HCAR1: variants seen among roughly 807,000 people sequenced by gnomAD.
HCAR1 encodes the protein G protein-coupled receptor 104.
For missense variants in HCAR1, 445 were observed against 448.7 expected (o/e 0.99, Z 0.07); for synonymous variants, 183 against 182.1 (o/e 1.01, Z -0.04).
At position 122,729,804 on chromosome 12, in the gene HCAR1, A is replaced by T; in HGVS notation, c.536T>A (p.Ile179Asn). ...CATAAAGAACTCCAGCTGGAACATGATGTCATGCCAGCCATTGGCCGACTC... is the reference window on the plus strand; with the variant it reads ...CATAAAGAACTCCAGCTGGAACATGTTGTCATGCCAGCCATTGGCCGACTC... ...IMESANGWHD[I>N]MFQLEFFMPL... The change falls in exon 1 of 1, where the codon ATC becomes AAC. Residue 179 changes from isoleucine (I) to asparagine (N), a missense_variant. Ile to Asn is a moderately radical substitution (Grantham distance 149, BLOSUM62 -3). Transcript: ENST00000432564. 1 of 1,609,768 alleles carries T rather than the reference A, an allele frequency of 6.2e-7. No individual in the cohort carries two copies. Among genetic ancestry groups the T allele is most frequent in the Non-Finnish European group, 8.5e-7 (1 of 1,178,804 alleles).
rs149599946 is a variant in HCAR1 at position 122,729,700 on chromosome 12, G to C, written c.640C>G (p.Arg214Gly). ...RRRQQLARQARMKKATRFIMV... is the reference protein window; with the variant it reads ...RRRQQLARQAGMKKATRFIMV... ...ATGAACCGGGTCGCCTTCTTCATCCGAGCCTGTCTGGCCAGCTGCTGCCTC... is the reference window on the plus strand; with the variant it reads ...ATGAACCGGGTCGCCTTCTTCATCCCAGCCTGTCTGGCCAGCTGCTGCCTC... The change falls in exon 1 of 1, where the codon CGG becomes GGG. Residue 214 changes from arginine (R) to glycine (G), a missense_variant. Transcript: ENST00000432564. 1.2e-6 allele frequency: 2 copies of C among 1,613,852 alleles called. No individual in the cohort carries two copies. Among genetic ancestry groups the C allele is most frequent in the Middle Eastern group, 1.7e-4 (1 of 6,060 alleles).
rs755545619 is a variant in HCAR1, at chr12:122,730,182, T to A, written c.158A>T (p.Tyr53Phe). ...HMKTWKPSTVYLFNLAVADFL... is the reference protein window; with the variant it reads ...HMKTWKPSTVFLFNLAVADFL... ...ATCAGCCACGGCCAAATTGAAAAGG[T>A]AAACAGTGCTGGGCTTCCAGGTCTT... The change falls in exon 1 of 1, where the codon TAC becomes TTC. Residue 53 changes from tyrosine (Y) to phenylalanine (F), a missense_variant. Tyr to Phe is a conservative substitution (Grantham distance 22, BLOSUM62 3). Coordinates refer to ENST00000432564, the MANE Select transcript of HCAR1 (RefSeq NM_032554.4). 8 of 1,613,894 alleles carry A rather than the reference T, an allele frequency of 5.0e-6. No individual in the cohort carries two copies. In the Admixed American group the frequency reaches 5.0e-5, roughly 10 times the overall value.
rs775889828 is a variant in HCAR1 at position 122,729,729 on chromosome 12, C to T, written c.611G>A (p.Arg204Lys). Reference sequence around the variant, plus strand: ...CTGTCTGGCCAGCTGCTGCCTCCGCCTCAGGCTCCAAACAATCTTGAAGGA... The same window carrying T: ...CTGTCTGGCCAGCTGCTGCCTCCGCTTCAGGCTCCAAACAATCTTGAAGGA... Reference protein sequence around the residue: ...FCSFKIVWSLRRRQQLARQAR... With the variant: ...FCSFKIVWSLKRRQQLARQAR... The change falls in exon 1 of 1, where the codon AGG becomes AAG. Residue 204 changes from arginine (R) to lysine (K), a missense_variant. By Grantham distance (26) the Arg-to-Lys change is conservative. Coordinates refer to ENST00000432564, the MANE Select transcript of HCAR1 (RefSeq NM_032554.4). The T allele has an allele frequency of 8.7e-6, 14 of 1,613,638 alleles. No individual in the cohort carries two copies. In the East Asian group the frequency reaches 2.5e-4, roughly 28 times the overall value.
chr12:122,727,025 T>C lies in HCAR1; in HGVS notation c.*2274A>G, dbSNP rs1227073629. The C allele has an allele frequency of 2.0e-5, 3 of 151,576 alleles. No individual in the cohort carries two copies. The highest frequency in any genetic ancestry group is 1.3e-4 in the Admixed American group (2 of 15,190). The allele number at this position is 151,576 out of a possible 1,614,324, so 9.4% of individuals were successfully genotyped here. A position where few individuals can be genotyped will look rare whatever the true frequency, so the allele number is the denominator to read the frequency against. Reference sequence around the variant, plus strand: ...CAGTGGCTCATGCTGGCAATCGCAATACTTTGGGAGGCCAAGGTGGGAGGA... The same window carrying C: ...CAGTGGCTCATGCTGGCAATCGCAACACTTTGGGAGGCCAAGGTGGGAGGA... On this transcript the variant is annotated 3_prime_UTR_variant, in exon 1 of 1. Coordinates refer to ENST00000432564, the MANE Select transcript of HCAR1 (RefSeq NM_032554.4).
At position 122,729,222 on chromosome 12, in the gene HCAR1, T is replaced by C; in HGVS notation, c.*77A>G. On this transcript the variant is annotated 3_prime_UTR_variant, in exon 1 of 1. Transcript: ENST00000432564. Reference sequence around the variant, plus strand: ...GCAATAAGAAAGGGGGGTGGCATTTTCAAAGCCCCCGACCCCTTAGCACGA... The same window carrying C: ...GCAATAAGAAAGGGGGGTGGCATTTCCAAAGCCCCCGACCCCTTAGCACGA... 1 of 1,393,830 alleles carries C rather than the reference T, an allele frequency of 7.2e-7. No homozygotes were observed. The highest frequency in any genetic ancestry group is 9.9e-7 in the Non-Finnish European group (1 of 1,014,110). The allele number at this position is 1,393,830 out of a possible 1,614,324, so 86.3% of individuals were successfully genotyped here.
Position 122,730,042 on chromosome 12 carries a change from C to T in HCAR1, c.298G>A (p.Ala100Thr), listed in dbSNP as rs750448217. ...VGLFTLAMNR[A>T]GSIVFLTVVA... ...ACCGTAAGGAACACGATGCTCCCGG[C>T]CCTGTTCATGGCCAACGTGAAGAGC... Residue 100 changes from alanine to threonine, a missense_variant, in exon 1 of 1, where the codon GCC becomes ACC. Ala to Thr is a moderately conservative substitution (Grantham distance 58). Transcript: ENST00000432564. 4.3e-6 allele frequency: 7 copies of T among 1,614,142 alleles called. No individual in the cohort carries two copies. Among genetic ancestry groups the T allele is most frequent in the South Asian group, 1.1e-5 (1 of 91,086 alleles).
rs1566052653 is a variant in HCAR1, at chr12:122,730,129, G to C, written c.211C>G (p.Arg71Gly). ...DFLLMICLPF[R>G]TDYYLRRRHW... ...CTACGTCTGAGGTAATAGTCTGTCC[G>C]AAAAGGCAGGCAGATCATAAGGAGG... The change falls in exon 1 of 1, where the codon CGG becomes GGG. Residue 71 changes from arginine (R) to glycine (G), a missense_variant. Arg to Gly is a moderately radical substitution (Grantham distance 125). Coordinates refer to ENST00000432564, the MANE Select transcript of HCAR1 (RefSeq NM_032554.4). 6.2e-7 allele frequency: 1 copy of C among 1,614,082 alleles called. No individual in the cohort carries two copies. Among genetic ancestry groups the C allele is most frequent in the Non-Finnish European group, 8.5e-7 (1 of 1,179,998 alleles).
Position 122,729,067 on chromosome 12 carries a change from C to T in HCAR1, c.*232G>A. Reference sequence around the variant, plus strand: ...ACTCCATGCACATTCTGTCCCCTGCCATTGTGATCAGATAAGAAAATGCAG... The same window carrying T: ...ACTCCATGCACATTCTGTCCCCTGCTATTGTGATCAGATAAGAAAATGCAG... On this transcript the variant is annotated 3_prime_UTR_variant, in exon 1 of 1. Transcript: ENST00000432564. 3.5e-6 allele frequency: 2 copies of T among 566,722 alleles called. No individual in the cohort carries two copies. The highest frequency in any genetic ancestry group is 6.3e-6 in the Non-Finnish European group (2 of 317,058). The allele number at this position is 566,722 out of a possible 1,614,324, so 35.1% of individuals were successfully genotyped here.
chr12:122,730,284 G>T lies in HCAR1; in HGVS notation c.56C>A (p.Pro19Gln). The change falls in exon 1 of 1, where the codon CCG becomes CAG. Residue 19 changes from proline to glutamine, a missense_variant. Pro to Gln is a moderately conservative substitution (Grantham distance 76). Coordinates refer to ENST00000432564, the MANE Select transcript of HCAR1 (RefSeq NM_032554.4). The stretch of plus-strand genomic sequence containing the variant: ...CACAAAGGCCACAATGAGCAGCGGC[G>T]GCATCACCTGGGAGATGGTGTCCCC... Reference protein sequence around the residue: ...IEGDTISQVMPPLLIVAFVLG... With the variant: ...IEGDTISQVMQPLLIVAFVLG... 1 of 1,604,682 alleles carries T rather than the reference G, an allele frequency of 6.2e-7. No individual in the cohort carries two copies. The highest frequency in any genetic ancestry group is 8.5e-7 in the Non-Finnish European group (1 of 1,173,946).
rs374992716 is a variant in HCAR1 at position 122,730,154 on chromosome 12, G to T, written c.186C>A (p.Phe62Leu). Reference sequence around the variant, plus strand: ...GAAAAGGCAGGCAGATCATAAGGAGGAAATCAGCCACGGCCAAATTGAAAA... The same window carrying T: ...GAAAAGGCAGGCAGATCATAAGGAGTAAATCAGCCACGGCCAAATTGAAAA... ...VYLFNLAVAD[F>L]LLMICLPFRT... Residue 62 changes from phenylalanine to leucine, a missense_variant, in exon 1 of 1, where the codon TTC (phenylalanine) becomes TTA (leucine). Coordinates refer to ENST00000432564, the MANE Select transcript of HCAR1 (RefSeq NM_032554.4). The T allele has an allele frequency of 4.3e-6, 7 of 1,614,034 alleles. No individual in the cohort carries two copies. In the African/African-American group the frequency reaches 9.3e-5, roughly 22 times the overall value.
In HCAR1 at chr12:122,729,109, A is replaced by C. The variant is rs1877863598; in HGVS notation, c.*190T>G. The C allele has an allele frequency of 3.3e-6, 2 of 612,752 alleles. No homozygotes were observed. Among genetic ancestry groups the C allele is most frequent in the Non-Finnish European group, 5.7e-6 (2 of 349,746 alleles). 38.0% of individuals were successfully genotyped at this position (612,752 alleles called of 1,614,324 possible). On this transcript the variant is annotated 3_prime_UTR_variant, in exon 1 of 1. Coordinates refer to ENST00000432564, the MANE Select transcript of HCAR1 (RefSeq NM_032554.4). Reference sequence around the variant, plus strand: ...AAAATGCAGCCAACTCACTTCAATCAACTGGAACCTCCCCAAAAGGTATAG... The same window carrying C: ...AAAATGCAGCCAACTCACTTCAATCCACTGGAACCTCCCCAAAAGGTATAG...
rs1566051708 is a variant in HCAR1 at position 122,727,756 on chromosome 12, C to A, written c.*1543G>T. 6.6e-6 allele frequency: 1 copy of A among 152,248 alleles called. No homozygotes were observed. 9.4% of individuals were successfully genotyped at this position (152,248 alleles called of 1,614,324 possible). A position where few individuals can be genotyped will look rare whatever the true frequency, so the allele number is the denominator to read the frequency against. On this transcript the variant is annotated 3_prime_UTR_variant, in exon 1 of 1. Coordinates refer to ENST00000432564, the MANE Select transcript of HCAR1 (RefSeq NM_032554.4). ...GGGATCACAAGCGTGAGCCACCATG[C>A]CCAACCCCCAGAAGTTGGCAAGGTT...
rs375870381 is a variant in HCAR1 at position 122,729,636 on chromosome 12, G to A, written c.704C>T (p.Pro235Leu). The change falls in exon 1 of 1, where the codon CCC becomes CTC. Residue 235 changes from proline to leucine, a missense_variant. By Grantham distance (98) the Pro-to-Leu change is moderately conservative. Coordinates refer to ENST00000432564, the MANE Select transcript of HCAR1 (RefSeq NM_032554.4). ...GAAATAGAGTCTAGCAGACACGCTG[G>A]GCAGGTAGCATGTGATGAACACAAT... ...VAIVFITCYL[P>L]SVSARLYFLW... 2 of 1,614,000 alleles carry A rather than the reference G, an allele frequency of 1.2e-6. No individual in the cohort carries two copies. Among genetic ancestry groups the A allele is most frequent in the African/African-American group, 2.7e-5 (2 of 74,912 alleles).
At position 122,730,626 on chromosome 12, in the gene HCAR1, G is replaced by C; in HGVS notation, c.-287C>G. 2.8e-6 allele frequency: 1 copy of C among 361,572 alleles called. No homozygotes were observed. Among genetic ancestry groups the C allele is most frequent in the Non-Finnish European group, 5.2e-6 (1 of 192,744 alleles). The allele number at this position is 361,572 out of a possible 1,614,324, so 22.4% of individuals were successfully genotyped here. A position where few individuals can be genotyped will look rare whatever the true frequency, so the allele number is the denominator to read the frequency against. On this transcript the variant is annotated 5_prime_UTR_variant, in exon 1 of 1. Coordinates refer to ENST00000432564, the MANE Select transcript of HCAR1 (RefSeq NM_032554.4). ...AGCCGGATGAAGCTTGGAAATGCAT[G>C]CAATTTTGCAAAAGTGGTCATTTCT...
chr12:122,726,435 A>G lies in HCAR1; in HGVS notation c.*2864T>C, dbSNP rs1877792527. ...ACATGCACTTAATCATTCATTCAACAAACATTTACTGAGCACCTGCTATGT... is the reference window on the plus strand; with the variant it reads ...ACATGCACTTAATCATTCATTCAACGAACATTTACTGAGCACCTGCTATGT... On this transcript the variant is annotated 3_prime_UTR_variant, in exon 1 of 1. Coordinates refer to ENST00000432564, the MANE Select transcript of HCAR1 (RefSeq NM_032554.4). 6.6e-6 allele frequency: 1 copy of G among 152,204 alleles called. No homozygotes were observed. The highest frequency in any genetic ancestry group is 2.4e-5 in the African/African-American group (1 of 41,454). 9.4% of individuals were successfully genotyped at this position (152,204 alleles called of 1,614,324 possible). A position where few individuals can be genotyped will look rare whatever the true frequency, so the allele number is the denominator to read the frequency against.
In HCAR1 at chr12:122,730,482, T is replaced by C. The variant is rs1166698725; in HGVS notation, c.-143A>G. The C allele has an allele frequency of 1.5e-5, 9 of 583,144 alleles. No individual in the cohort carries two copies. In the South Asian group the frequency reaches 2.2e-4, roughly 15 times the overall value. 36.1% of individuals were successfully genotyped at this position (583,144 alleles called of 1,614,324 possible). ...AGGATGCGGGTCCTGTGTGTGTGGGTTGGATGCTGCCACAGCAGCGAGAAG... is the reference window on the plus strand; with the variant it reads ...AGGATGCGGGTCCTGTGTGTGTGGGCTGGATGCTGCCACAGCAGCGAGAAG... On this transcript the variant is annotated 5_prime_UTR_variant, in exon 1 of 1. Coordinates refer to ENST00000432564, the MANE Select transcript of HCAR1 (RefSeq NM_032554.4).
chr12:122,730,045 T>G lies in HCAR1; in HGVS notation c.295A>C (p.Arg99=). Residue 99 remains arginine, a synonymous_variant, in exon 1 of 1, where the codon AGG becomes CGG. Coordinates refer to ENST00000432564, the MANE Select transcript of HCAR1 (RefSeq NM_032554.4). ...GTAAGGAACACGATGCTCCCGGCCC[T>G]GTTCATGGCCAACGTGAAGAGCCCC... is the stretch of plus-strand genomic sequence containing the variant. ...RVGLFTLAMN[R]AGSIVFLTVV... The G allele has an allele frequency of 2.5e-6, 4 of 1,614,102 alleles. No homozygotes were observed. Among genetic ancestry groups the G allele is most frequent in the Non-Finnish European group, 3.4e-6 (4 of 1,180,014 alleles).
Position 122,729,839 on chromosome 12 carries a change from G to A in HCAR1, c.501C>T (p.Ser167=). ...CVQETAVSCE[S]FIMESANGWH... is the part of the protein sequence containing the mutation. ...AGCCATTGGCCGACTCCATGATGAA[G>A]CTCTCACAGGAGACGGCCGTCTCTT... The change falls in exon 1 of 1, where the codon AGC becomes AGT. Residue 167 remains serine (S), a synonymous_variant. Coordinates refer to ENST00000432564, the MANE Select transcript of HCAR1 (RefSeq NM_032554.4). 6.2e-7 allele frequency: 1 copy of A among 1,610,146 alleles called. No homozygotes were observed. Among genetic ancestry groups the A allele is most frequent in the Non-Finnish European group, 8.5e-7 (1 of 1,178,308 alleles).
At position 122,729,132 on chromosome 12, in the gene HCAR1, T is replaced by C. The variant is rs956688625; in HGVS notation, c.*167A>G. 3.1e-5 allele frequency: 20 copies of C among 649,990 alleles called. No homozygotes were observed. The African/African-American group carries it at 3.5e-4, about 11-fold the overall frequency. The allele number at this position is 649,990 out of a possible 1,614,324, so 40.3% of individuals were successfully genotyped here. ...TCAACTGGAACCTCCCCAAAAGGTA[T>C]AGTTGTGTGAATTTCATTTCCGACA... is the stretch of plus-strand genomic sequence containing the variant. On this transcript the variant is annotated 3_prime_UTR_variant, in exon 1 of 1. Transcript: ENST00000432564.
Sources: gnomAD v4.1 joint callset for allele counts on GRCh38, gnomAD v4.1.1 for gene constraint, MANE v1.5 for transcripts, NCBI Gene and HGNC (gene_info 2026-07-23, HGNC 2026-07-21) for gene names.